The following SLC25A17 variants were observed in gnomAD, a reference collection of about 807,000 sequenced individuals.
SLC25A17 encodes the protein peroxisomal membrane protein PMP34.
Under a neutral mutation model 38.5 loss-of-function variants are expected in SLC25A17, and 26 were observed. The observed-to-expected ratio is 0.68, with a 90% CI of 0.50 to 0.94. The LOEUF (loss-of-function observed/expected upper bound fraction) is 0.94. Among genes scored for constraint, SLC25A17 ranks in the 40% least tolerant of loss-of-function variants. The pLI is 0.00. For missense variants in SLC25A17, 333 were observed against 372.7 expected, an observed-to-expected ratio of 0.89 and a Z score of 0.88; for synonymous variants, 139 against 136.2, an observed-to-expected ratio of 1.02 and a Z score of -0.14.
chr22:40,819,132 C>T, intron 1 of SLC25A17, 63 bp downstream of exon 1: 1 of 1,569,084 alleles, frequency 6.4e-7, no homozygotes, highest in Non-Finnish European at 8.7e-7. Context: ...AGGCATATCC[C>T]GGGACTGGCC....
chr22:40,792,439 C>T, intron 4 of SLC25A17, 86 bp downstream of exon 4: 5 of 1,062,366 alleles, frequency 4.7e-6, no homozygotes, highest in Non-Finnish European at 6.5e-6. Flanking sequence ...TCTTTGTAAG[C>T]ATTACTTTGG....
chr22:40,771,477 A>G (rs2057182700), intron 8 of SLC25A17, among the ~76,000 whole-genome samples: 1 of 152,214 alleles, frequency 6.6e-6, no homozygotes, highest in Admixed American at 6.5e-5. Flanking sequence ...CAACAGATAA[A>G]TGGATAAAGA....
intron 7 of SLC25A17, among the ~76,000 whole-genome samples, chr22:40,775,926 C>T (rs1408568051): frequency 1.3e-5 from 2 of 152,200 alleles, no homozygotes; most frequent in African/African-American, 4.8e-5. Context: ...TTATAAATTA[C>T]CCAGTCTCAG....
intron 5 of SLC25A17, among the ~76,000 whole-genome samples, 193 bp from the exon 6 acceptor site, chr22:40,777,566 G>A (rs1001172889): frequency 2.0e-5 from 3 of 152,120 alleles, no homozygotes; most frequent in Non-Finnish European, 4.4e-5. Flanking sequence ...GGTGGATCAC[G>A]AGGTCAGGAG....
chr22:40,778,846 C>T (rs879830480), intron 5 of SLC25A17, among the ~76,000 whole-genome samples, 163 bp downstream of exon 5: 5 of 152,002 alleles, frequency 3.3e-5, no homozygotes, highest in African/African-American at 4.8e-5. Context: ...GGGCTAATAT[C>T]CAGAATCAAC....
At chr22:40,782,906 C>CT (rs1212270988) in intron 4 of SLC25A17, among the ~76,000 whole-genome samples, 1 of 152,232 alleles carries the variant, frequency 6.6e-6, no homozygotes, top group East Asian at 1.9e-4. Context: ...GCTTTATAGG[C>CT]TTGTTTTTCT....
At position 40,779,000 on chromosome 22, in the gene SLC25A17, G is replaced by A. The variant is rs369173851; in HGVS notation, c.451+9C>T. The A allele has an allele frequency of 1.2e-6, 2 of 1,602,388 alleles. No individual in the cohort carries two copies. Among genetic ancestry groups the A allele is most frequent in the Non-Finnish European group, 1.7e-6 (2 of 1,169,650 alleles). The stretch of plus-strand genomic sequence containing the variant: ...CCCTTAAATAGGAATTCAGCAAAGA[G>A]ATACTTACCAATGATACCTTTGTAG... On this transcript the variant is annotated intron_variant, in intron 5 of 8. Coordinates refer to ENST00000435456, the MANE Select transcript of SLC25A17 (RefSeq NM_006358.4).
Position 40,814,754 on chromosome 22 carries a change from AATATATATATATATAT to A in SLC25A17, c.54+4425_54+4440del, listed in dbSNP as rs10527651. On this transcript the variant is annotated intron_variant, in intron 1 of 8. Transcript: ENST00000435456. Reference sequence around the variant, plus strand: ...GGATGAGGAAAGGCAGTACGTGCAGAATATATATATATATATATATATATATATATATATATTGTTG... The same window carrying A: ...GGATGAGGAAAGGCAGTACGTGCAGAATATATATATATATATATATTGTTG... Among the ~76,000 whole-genome samples, 388 of 134,800 alleles carry A rather than the reference AATATATATATATATAT, an allele frequency of 2.9e-3. 1 individual carries two copies. Among genetic ancestry groups the A allele is most frequent in the Middle Eastern group, 3.8e-3 (1 of 264 alleles). The allele number at this position is 134,800 out of a possible 152,430, so 88.4% of individuals were successfully genotyped here. A position where few individuals can be genotyped will look rare whatever the true frequency, so the allele number is the denominator to read the frequency against.
intron 4 of SLC25A17, among the ~76,000 whole-genome samples, chr22:40,782,100 G>A (rs1164567744): frequency 6.6e-6 from 1 of 152,080 alleles, no homozygotes; most frequent in Admixed American, 6.6e-5. Context: ...GGCGCCTGTA[G>A]TCCCAGCTAC....
intron 8 of SLC25A17, among the ~76,000 whole-genome samples, chr22:40,771,371 A>G (rs2057181899): frequency 6.6e-6 from 1 of 152,236 alleles, no homozygotes; most frequent in Admixed American, 6.5e-5. Context: ...CAGCCTCCCA[A>G]AGTGCTGGGA....
At chr22:40,788,317 A>C (rs905974921) in intron 4 of SLC25A17, among the ~76,000 whole-genome samples, 1 of 152,208 alleles carries the variant, frequency 6.6e-6, no homozygotes, top group African/African-American at 2.4e-5. Flanking sequence ...TGATATGGTA[A>C]CTACATTGTA....
At chr22:40,791,525 C>T (rs750207590) in intron 4 of SLC25A17, among the ~76,000 whole-genome samples, 1 of 152,128 alleles carries the variant, frequency 6.6e-6, no homozygotes, top group Non-Finnish European at 1.5e-5. Flanking sequence ...CACATACAGA[C>T]ATCCTACAAC....
chr22:40,798,892 G>A (rs2057454944), intron 2 of SLC25A17, 131 bp downstream of exon 2: 11 of 608,130 alleles, frequency 1.8e-5, no homozygotes, highest in Non-Finnish European at 2.0e-5. Context: ...GCAGTGAGCC[G>A]AGATCATGCC....
intron 4 of SLC25A17, chr22:40,779,867 TGA>T (rs2057279656): frequency 6.6e-6 from 1 of 152,256 alleles, no homozygotes; most frequent in African/African-American, 2.4e-5. Flanking sequence ...AACACCATCT[TGA>T]GATATTAAAA....
intron 1 of SLC25A17, among the ~76,000 whole-genome samples, chr22:40,818,324 T>C (rs1408386571): frequency 1.3e-5 from 2 of 151,990 alleles, no homozygotes; most frequent in African/African-American, 4.8e-5. Context: ...AGAGGGGAAG[T>C]GTCAAGTGGA....
intron 8 of SLC25A17, 87 bp from the exon 9 acceptor site, chr22:40,771,068 C>T: frequency 1.7e-6 from 2 of 1,163,660 alleles, no homozygotes; most frequent in South Asian, 3.9e-5. Flanking sequence ...TAAGAACAAG[C>T]AATAGAGGTT....
At chr22:40,775,701 G>A (rs1183750586) in intron 7 of SLC25A17, among the ~76,000 whole-genome samples, 4 of 151,642 alleles carry the variant, frequency 2.6e-5, no homozygotes, top group Non-Finnish European at 5.9e-5. Flanking sequence ...CTGACCTCAT[G>A]ATCCACCCGC....
chr22:40,814,229 G>A (rs1307770958), intron 1 of SLC25A17, among the ~76,000 whole-genome samples: 1 of 152,102 alleles, frequency 6.6e-6, no homozygotes, highest in Non-Finnish European at 1.5e-5. Flanking sequence ...ACTCAAAATG[G>A]TCTTAACAGA....
chr22:40,787,500 A>G (rs558098899), intron 4 of SLC25A17, among the ~76,000 whole-genome samples: 1 of 152,314 alleles, frequency 6.6e-6, no homozygotes, highest in African/African-American at 2.4e-5. Flanking sequence ...CAAGATCAGT[A>G]AAGATCAAGC....
Sources: allele counts gnomAD v4.1 joint callset (sites outside exome capture counted in the v4.1 genomes callset), GRCh38; gene constraint gnomAD v4.1.1; transcripts MANE v1.5; gene names NCBI Gene and HGNC (gene_info 2026-07-23, HGNC 2026-07-21).